ANO4: variants seen among roughly 807,000 people sequenced by gnomAD.
ANO4 encodes the protein anoctamin-4.
In ANO4, 69 loss-of-function variants were observed where a neutral mutation model predicts 141.9. The ratio of observed to expected loss-of-function variants is 0.49; its 90% CI spans 0.40 to 0.59. The LOEUF (loss-of-function observed/expected upper bound fraction) is 0.59. Ranked by LOEUF, ANO4 falls within the 20% of genes least tolerant of loss-of-function variation. The probability of loss-of-function intolerance (pLI) is 0.00; values close to 1 mark genes in which losing one functional copy is unlikely to be tolerated. For synonymous variants in ANO4, 350 were observed against 394.3 expected, an observed-to-expected ratio of 0.89 and a Z score of 1.33; for missense variants, 894 against 1,162.2, an observed-to-expected ratio of 0.77 and a Z score of 3.36.
At chr12:101,045,372 C>A (rs922471043) in intron 13 of ANO4, among the ~76,000 whole-genome samples, 4 of 152,182 alleles carry the variant, frequency 2.6e-5, no homozygotes, top group African/African-American at 9.7e-5. Flanking sequence ...CTGTGCCCTG[C>A]TGAGCCACAA....
At chr12:101,032,439 A>G (rs993654786) in intron 9 of ANO4, among the ~76,000 whole-genome samples, 3 of 151,618 alleles carry the variant, frequency 2.0e-5, no homozygotes, top group Non-Finnish European at 3.0e-5. Flanking sequence ...ACTCAAAGCA[A>G]TGGCAACAAA....
At position 100,971,332 on chromosome 12, in the gene ANO4, C is replaced by A. The variant is rs767876157; in HGVS notation, c.483C>A (p.Ile161=). 1 of 1,611,106 alleles carries A rather than the reference C, an allele frequency of 6.2e-7. No homozygotes were observed. Among genetic ancestry groups the A allele is most frequent in the South Asian group, 1.1e-5 (1 of 90,772 alleles). The change falls in exon 6 of 28, where the codon ATC becomes ATA. Residue 161 remains isoleucine (I), a synonymous_variant. Coordinates refer to ENST00000392977, the MANE Select transcript of ANO4 (RefSeq NM_001286615.2). ...CCTCTCTAATAAATAGTGACATTAT[C>A]TTTGTGAAGTTGCATGCCCCATGGG... ...KESSLINSDI[I]FVKLHAPWEV... is the part of the protein sequence containing the mutation.
At position 100,874,176 on chromosome 12, in the gene ANO4, G is replaced by A. The variant is rs941477152; in HGVS notation, c.-140-27470G>A. The stretch of plus-strand genomic sequence containing the variant: ...GCCAGCAGTCTGCTGCAGGGGTGGA[G>A]TCCTCATGGAGAACCTCTACTAGGG... On this transcript the variant is annotated intron_variant, in intron 1 of 27. Transcript: ENST00000392977. Among the ~76,000 whole-genome samples the A allele has an allele frequency of 3.3e-5, 5 of 152,250 alleles. No homozygotes were observed. In the East Asian group the frequency reaches 9.6e-4, roughly 29 times the overall value.
chr12:101,061,227 T>C (rs752900630), intron 14 of ANO4, among the ~76,000 whole-genome samples: 2 of 152,202 alleles, frequency 1.3e-5, no homozygotes, highest in Non-Finnish European at 1.5e-5. Flanking sequence ...TTCTGGCTTG[T>C]AGGGTTTCTG....
chr12:100,749,490 C>T (rs898402846), intron 3 of ANO4, among the ~76,000 whole-genome samples: 1 of 152,160 alleles, frequency 6.6e-6, no homozygotes, highest in Non-Finnish European at 1.5e-5. Context: ...TTTCAGAATT[C>T]AAGAACATTT....
At chr12:100,786,984 ACT>A (rs1420131530) in intron 3 of ANO4, among the ~76,000 whole-genome samples, 2 of 152,032 alleles carry the variant, frequency 1.3e-5, no homozygotes, top group Non-Finnish European at 2.9e-5. Flanking sequence ...AGGTAAAAAC[ACT>A]CTCCCATCCC....
intron 14 of ANO4, among the ~76,000 whole-genome samples, chr12:101,078,541 C>G (rs538309755): frequency 6.6e-6 from 1 of 152,254 alleles, no homozygotes; most frequent in African/African-American, 2.4e-5. Context: ...CATGGGGAGG[C>G]CAGCCACCTC....
At chr12:100,987,784 T>C in intron 8 of ANO4, 114 bp downstream of exon 8, 3 of 1,419,282 alleles carry the variant, frequency 2.1e-6, no homozygotes, top group Non-Finnish European at 2.8e-6. Flanking sequence ...AGTGCCCTTC[T>C]CCCCTAAAAG....
chr12:100,754,692 C>CA (rs1318991295), intron 3 of ANO4, among the ~76,000 whole-genome samples: 9 of 152,068 alleles, frequency 5.9e-5, no homozygotes, highest in African/African-American at 2.2e-4. Flanking sequence ...AATGGATAAA[C>CA]AAAATGTGGT....
chr12:100,758,132 T>C (rs1367931165), intron 3 of ANO4, among the ~76,000 whole-genome samples: 2 of 152,336 alleles, frequency 1.3e-5, no homozygotes, highest in East Asian at 3.9e-4. Context: ...AGCCTCCAGC[T>C]TGTCTAACTG....
rs561202738 is a variant in ANO4, at chr12:100,957,879, AT to A, written c.457-13419del. Reference sequence around the variant, plus strand: ...ATAAACTAAGACATCATTTTTATATATTTTTTTTAGTAGAGATGGGGTTTCG... The same window carrying A: ...ATAAACTAAGACATCATTTTTATATATTTTTTTAGTAGAGATGGGGTTTCG... On this transcript the variant is annotated intron_variant, in intron 5 of 27. Transcript: ENST00000392977. Among the ~76,000 whole-genome samples, 129 of 152,014 alleles carry A rather than the reference AT, an allele frequency of 8.5e-4. 1 individual carries two copies. The East Asian group carries it at 0.016, about 19-fold the overall frequency.
At chr12:100,864,215 A>G (rs143541088) in intron 1 of ANO4, among the ~76,000 whole-genome samples, 2 of 152,272 alleles carry the variant, frequency 1.3e-5, no homozygotes, top group African/African-American at 4.8e-5. Context: ...CAATATTCTA[A>G]TTGGCCTTTG....
At chr12:100,844,882 G>T (rs1270046888) in intron 1 of ANO4, among the ~76,000 whole-genome samples, 4 of 152,080 alleles carry the variant, frequency 2.6e-5, no homozygotes, top group African/African-American at 9.7e-5. Context: ...AACGTAGAGA[G>T]AGAAGAAAAG....
intron 10 of ANO4, among the ~76,000 whole-genome samples, chr12:101,037,781 A>G (rs188686138): frequency 4.6e-5 from 7 of 152,308 alleles, no homozygotes; most frequent in Admixed American, 3.9e-4. Context: ...GATTATTGAG[A>G]AATTATTGTC....
intron 14 of ANO4, among the ~76,000 whole-genome samples, chr12:101,059,447 T>G (rs986710888): frequency 1.3e-5 from 2 of 152,248 alleles, no homozygotes; most frequent in Admixed American, 1.3e-4. Context: ...TACCATCTCC[T>G]CTTTTTACCT....
chr12:100,727,999 T>C (rs2031209525), intron 1 of ANO4, among the ~76,000 whole-genome samples: 1 of 152,246 alleles, frequency 6.6e-6, no homozygotes, highest in Non-Finnish European at 1.5e-5. Flanking sequence ...AACAATACTT[T>C]GAGCACCCAG....
chr12:100,785,336 C>T (rs1241731199), intron 3 of ANO4, among the ~76,000 whole-genome samples: 1 of 152,174 alleles, frequency 6.6e-6, no homozygotes, highest in Non-Finnish European at 1.5e-5. Context: ...GACATGCATC[C>T]ACCATCATGG....
At chr12:101,095,648 G>A (rs999878435) in intron 18 of ANO4, among the ~76,000 whole-genome samples, 12 of 152,156 alleles carry the variant, frequency 7.9e-5, no homozygotes, top group African/African-American at 1.4e-4. Context: ...GTTATAATTT[G>A]TGGAAATGAA....
chr12:100,842,062 C>CCA (rs2037285233), intron 1 of ANO4: 1 of 15,334 alleles, frequency 6.5e-5, no homozygotes, highest in African/African-American at 2.1e-4. Context: ...TAAATATCCA[C>CCA]CCCCCCCCCC....
Sources: gnomAD v4.1 joint callset for allele counts (sites outside exome capture counted in the v4.1 genomes callset) on GRCh38, gnomAD v4.1.1 for gene constraint, MANE v1.5 for transcripts, NCBI Gene and HGNC (gene_info 2026-07-23, HGNC 2026-07-21) for gene names.